Variants in METTL24 observed in about 807,000 individuals in gnomAD.
METTL24 encodes probable methyltransferase-like protein 24.
A neutral mutation model predicts 32.7 loss-of-function variants in METTL24; 29 were observed. That is an observed-to-expected ratio of 0.89 (90% CI 0.66 to 1.21). The LOEUF (loss-of-function observed/expected upper bound fraction) is 1.21, where lower values mean the gene tolerates loss of function less well. Ranked by LOEUF, METTL24 falls within the 50% of genes most tolerant of loss-of-function variation. The pLI is 0.00. For missense variants in METTL24, 439 were observed against 468.1 expected, an observed-to-expected ratio of 0.94 and a Z score of 0.57; for synonymous variants, 163 against 179.5, an observed-to-expected ratio of 0.91 and a Z score of 0.73.
rs987661396 is a variant in METTL24, at chr6:110,305,938, A to G, written c.558-6788T>C. Among the ~76,000 whole-genome samples, 44 of 152,246 alleles carry G rather than the reference A, an allele frequency of 2.9e-4. 1 individual carries two copies. The highest frequency in any genetic ancestry group is 1.0e-3 in the African/African-American group (42 of 41,462). On this transcript the variant is annotated intron_variant, in intron 3 of 4. Coordinates refer to ENST00000338882, the MANE Select transcript of METTL24 (RefSeq NM_001123364.3). ...CTTGGAACCAACCCAAATGCCCACA[A>G]TGTTAGACTGGATAAAGAAAATGTG...
chr6:110,349,710 C>G (rs1043512900), intron 1 of METTL24, among the ~76,000 whole-genome samples: 2 of 152,136 alleles, frequency 1.3e-5, no homozygotes, highest in African/African-American at 2.4e-5. Flanking sequence ...TCACCATGTT[C>G]CAAAATCTGT....
chr6:110,274,271 T>C (rs1187957480), intron 4 of METTL24, among the ~76,000 whole-genome samples: 1 of 152,140 alleles, frequency 6.6e-6, no homozygotes, highest in Non-Finnish European at 1.5e-5. Flanking sequence ...TTTTGTATTT[T>C]TAGTAGAGAC....
chr6:110,351,377 A>G (rs1343574696), intron 1 of METTL24, among the ~76,000 whole-genome samples: 1 of 152,228 alleles, frequency 6.6e-6, no homozygotes, highest in Non-Finnish European at 1.5e-5. Context: ...AAGGCTATCT[A>G]TAAGACTACA....
chr6:110,331,371 T>A (rs905890877), intron 1 of METTL24, among the ~76,000 whole-genome samples: 2 of 150,192 alleles, frequency 1.3e-5, no homozygotes, highest in African/African-American at 4.9e-5. Context: ...ATTAAAGAAA[T>A]AATGAGGCCA....
intron 4 of METTL24, among the ~76,000 whole-genome samples, chr6:110,282,073 T>C (rs1036564701): frequency 1.3e-5 from 2 of 152,120 alleles, no homozygotes; most frequent in African/African-American, 4.8e-5. Flanking sequence ...GTGGACTGTT[T>C]GAAACACACA....
chr6:110,256,417 T>G (rs1347306619), intron 4 of METTL24, among the ~76,000 whole-genome samples: 1 of 152,154 alleles, frequency 6.6e-6, no homozygotes, highest in African/African-American at 2.4e-5. Context: ...CTGAACCCCA[T>G]GCAGAGTTCT....
intron 1 of METTL24, chr6:110,332,638 T>G (rs1772128646): frequency 2.2e-5 from 5 of 225,832 alleles, no homozygotes; most frequent in South Asian, 1.6e-4. Context: ...CCAGGCACGG[T>G]GGTTCAGGCC....
intron 4 of METTL24, among the ~76,000 whole-genome samples, chr6:110,272,647 A>C (rs1246839723): frequency 6.6e-6 from 1 of 152,108 alleles, no homozygotes; most frequent in Non-Finnish European, 1.5e-5. Flanking sequence ...TTCAATTTTT[A>C]AATTATGGCC....
At chr6:110,322,672 C>T (rs1771948205) in intron 2 of METTL24, 102 bp downstream of exon 2, 2 of 875,746 alleles carry the variant, frequency 2.3e-6, no homozygotes, top group Admixed American at 2.2e-5. Flanking sequence ...CCATCAAGTC[C>T]TCATCAGGAG....
At chr6:110,332,241 T>C (rs1562239803) in intron 1 of METTL24, among the ~76,000 whole-genome samples, 1 of 152,242 alleles carries the variant, frequency 6.6e-6, no homozygotes, top group Admixed American at 6.5e-5. Context: ...GTTATTTTGA[T>C]AAGTTGGAAA....
chr6:110,264,565 A>T (rs543383679), intron 4 of METTL24, among the ~76,000 whole-genome samples: 4 of 152,196 alleles, frequency 2.6e-5, no homozygotes, highest in Non-Finnish European at 4.4e-5. Flanking sequence ...TCAGTGTGGC[A>T]ATTCCTCAGG....
At chr6:110,335,064 C>T (rs1172151496) in intron 1 of METTL24, among the ~76,000 whole-genome samples, 1 of 152,202 alleles carries the variant, frequency 6.6e-6, no homozygotes, top group African/African-American at 2.4e-5. Flanking sequence ...CTGGACTCCT[C>T]TGGAACCAAA....
intron 1 of METTL24, among the ~76,000 whole-genome samples, chr6:110,323,208 G>C (rs1210399850): frequency 2.0e-5 from 3 of 152,200 alleles, no homozygotes; most frequent in Non-Finnish European, 4.4e-5. Flanking sequence ...TTTTATATGA[G>C]GCTGTGCTCC....
chr6:110,262,151 C>A (rs1003329643), intron 4 of METTL24, among the ~76,000 whole-genome samples: 1 of 152,072 alleles, frequency 6.6e-6, no homozygotes, highest in African/African-American at 2.4e-5. Flanking sequence ...ATACAAAAAA[C>A]CCTTCAAAAA....
chr6:110,299,258 T>C, intron 3 of METTL24, 108 bp from the exon 4 acceptor site: 1 of 940,094 alleles, frequency 1.1e-6, no homozygotes, highest in Admixed American at 2.0e-5. Context: ...TATCAAGCCT[T>C]CTCCTGTTTT....
chr6:110,306,623 T>C (rs1483522673), intron 3 of METTL24, among the ~76,000 whole-genome samples: 2 of 152,200 alleles, frequency 1.3e-5, no homozygotes, highest in Non-Finnish European at 2.9e-5. Flanking sequence ...TATATAAACA[T>C]GTACCACATT....
chr6:110,357,962 C>A lies in METTL24; in HGVS notation c.311G>T (p.Arg104Leu), dbSNP rs749690679. 1.1e-5 allele frequency: 13 copies of A among 1,187,964 alleles called. No individual in the cohort carries two copies. Among genetic ancestry groups the A allele is most frequent in the Non-Finnish European group, 1.3e-5 (12 of 958,690 alleles). The allele number at this position is 1,187,964 out of a possible 1,614,324, so 73.6% of individuals were successfully genotyped here. Residue 104 changes from arginine (R) to leucine (L), a missense_variant, in exon 1 of 5, where the codon CGC (arginine) becomes CTC (leucine). Transcript: ENST00000338882. ...PGCCAPRGRP[R>L]RKGPRWHIDL... ...GACCGCTTTGCAACTGACCTTCCGG[C>A]GGGGGCGCCCGCGCGGGGCACAGCA...
At chr6:110,296,900 C>G (rs1316747966) in intron 4 of METTL24, among the ~76,000 whole-genome samples, 1 of 152,170 alleles carries the variant, frequency 6.6e-6, no homozygotes, top group Non-Finnish European at 1.5e-5. Flanking sequence ...ACGACACAAA[C>G]AAGGTTTCCA....
chr6:110,244,467 G>C lies in METTL24; in HGVS notation c.*1479C>G, dbSNP rs946538993. ...AAAAAGTGTAATACCCAAAGTATTA[G>C]TCCATTCTCACACTGCTATGAAGAT... On this transcript the variant is annotated 3_prime_UTR_variant, in exon 5 of 5. Transcript: ENST00000338882. 6.6e-6 allele frequency among the ~76,000 whole-genome samples: 1 copy of C among 152,012 alleles called. No homozygotes were observed. The highest frequency in any genetic ancestry group is 2.4e-5 in the African/African-American group (1 of 41,380).
Sources: gnomAD v4.1 joint callset for allele counts (sites outside exome capture counted in the v4.1 genomes callset) on GRCh38, gnomAD v4.1.1 for gene constraint, MANE v1.5 for transcripts, NCBI Gene and HGNC (gene_info 2026-07-23, HGNC 2026-07-21) for gene names.